The following ADGRE3 variants were observed in gnomAD, a reference collection of about 807,000 sequenced individuals.
ADGRE3 encodes adhesion G protein-coupled receptor E3, also known as EGF-like module receptor 3.
Under a neutral mutation model 80.1 loss-of-function variants are expected in ADGRE3, and 88 were observed. That is an observed-to-expected ratio of 1.10 (90% CI 0.93 to 1.31). The LOEUF is 1.31. Ranked by LOEUF, ADGRE3 falls within the 40% of genes most tolerant of loss-of-function variation. The pLI, the probability that ADGRE3 is intolerant of heterozygous loss-of-function variation, is 0.00. For synonymous variants in ADGRE3, 281 were observed against 294.8 expected, an observed-to-expected ratio of 0.95 and a Z score of 0.48; for missense variants, 715 against 776.5, an observed-to-expected ratio of 0.92 and a Z score of 0.94.
chr19:14,635,318 T>C (rs1971006642), intron 11 of ADGRE3, among the ~76,000 whole-genome samples: 1 of 151,980 alleles, frequency 6.6e-6, no homozygotes, highest in Admixed American at 6.6e-5. Flanking sequence ...TTGCCCAGCC[T>C]GGTCTTGAAG....
At position 14,640,926 on chromosome 19, in the gene ADGRE3, G is replaced by C. The variant is rs537333418; in HGVS notation, c.1248+493C>G. On this transcript the variant is annotated intron_variant, in intron 10 of 15. Coordinates refer to ENST00000253673, the MANE Select transcript of ADGRE3 (RefSeq NM_032571.5). ...ATGATTCTGAGGCCTCCCCTGCCAT[G>C]TGGAACTGCAAGTCCAATTAAACCT... is the stretch of plus-strand genomic sequence containing the variant. Among the ~76,000 whole-genome samples, 6 of 152,252 alleles carry C rather than the reference G, an allele frequency of 3.9e-5. No homozygotes were observed. In the South Asian group the frequency reaches 1.0e-3, roughly 26 times the overall value.
At chr19:14,608,887 C>T in the ADGRE3 span, among the ~76,000 whole-genome samples, 8 of 151,096 alleles carry the variant, frequency 5.3e-5, no homozygotes, top group Non-Finnish European at 8.8e-5. Flanking sequence ...GCAACTTCTG[C>T]CTCCTGGATT....
chr19:14,637,086 C>T (rs1039320501), intron 11 of ADGRE3, among the ~76,000 whole-genome samples: 3 of 152,102 alleles, frequency 2.0e-5, no homozygotes, highest in African/African-American at 7.2e-5. Flanking sequence ...AAGAGCGAAA[C>T]TCTGTCTCAA....
At chr19:14,629,495 T>C (rs1970821020) in intron 14 of ADGRE3, among the ~76,000 whole-genome samples, 1 of 152,184 alleles carries the variant, frequency 6.6e-6, no homozygotes, top group Non-Finnish European at 1.5e-5. Flanking sequence ...AGAGGAAGAA[T>C]CACAGGCTTG....
chr19:14,616,195 G>C (rs945898471), downstream of ADGRE3, among the ~76,000 whole-genome samples: 9 of 151,986 alleles, frequency 5.9e-5, no homozygotes, highest in African/African-American at 2.2e-4. Context: ...TGATCTCCAC[G>C]TGAACTCCTC....
At chr19:14,625,381 T>A (rs9676382) in intron 15 of ADGRE3, 111 bp downstream of exon 15, 1 of 768,092 alleles carries the variant, frequency 1.3e-6, no homozygotes, top group Non-Finnish European at 2.2e-6. Context: ...CCTCAGAACT[T>A]AAAAAACAAA....
the ADGRE3 span, chr19:14,606,939 C>A: frequency 1.0e-6 from 1 of 970,348 alleles, no homozygotes. Flanking sequence ...GGCAGGTCCT[C>A]ACCCTGAGGG....
chr19:14,651,258 T>C (rs1041538637), intron 6 of ADGRE3, 54 bp from the exon 7 acceptor site: 1 of 1,601,320 alleles, frequency 6.2e-7, no homozygotes, highest in Non-Finnish European at 8.6e-7. Flanking sequence ...ACTTTAAAAA[T>C]ATGCATAGGA....
chr19:14,648,556 T>C (rs751200854), intron 7 of ADGRE3, among the ~76,000 whole-genome samples: 7 of 152,190 alleles, frequency 4.6e-5, no homozygotes, highest in Non-Finnish European at 8.8e-5. Context: ...TCTTACCTAC[T>C]GTGATAGTTC....
intron 6 of ADGRE3, among the ~76,000 whole-genome samples, chr19:14,652,191 T>A (rs2146870766): frequency 6.6e-6 from 1 of 152,262 alleles, no homozygotes; most frequent in African/African-American, 2.4e-5. Flanking sequence ...GATGGATGTG[T>A]TAGCTAATTT....
chr19:14,640,859 C>G (rs572724982), intron 10 of ADGRE3, among the ~76,000 whole-genome samples: 11 of 152,240 alleles, frequency 7.2e-5, no homozygotes, highest in African/African-American at 2.4e-4. Flanking sequence ...CTCATTTTTT[C>G]TCTTGCAGCC....
In ADGRE3 at chr19:14,665,939, T is replaced by TATATATGCATACATAC. The variant is rs1345219145; in HGVS notation, c.77-2400_77-2399insGTATGTATGCATATAT. ...TATTGCATATACACACATATGTGTA[T>TATATATGCATACATAC]ATATATATATATATATATATATATA... On this transcript the variant is annotated intron_variant, in intron 2 of 15. Transcript: ENST00000253673. Among the ~76,000 whole-genome samples the TATATATGCATACATAC allele has an allele frequency of 1.2e-3, 104 of 86,766 alleles. 4 individuals carry two copies. Among genetic ancestry groups the TATATATGCATACATAC allele is most frequent in the African/African-American group, 4.9e-3 (103 of 20,940 alleles). 56.9% of individuals were successfully genotyped at this position (86,766 alleles called of 152,430 possible).
At chr19:14,666,385 T>C (rs372771149) in intron 2 of ADGRE3, among the ~76,000 whole-genome samples, 11,069 of 151,796 alleles carry the variant, frequency 0.073, 603 homozygotes, top group African/African-American at 0.15. Context: ...CCTATTTTTT[T>C]TTTTTTTTAA....
the ADGRE3 span, among the ~76,000 whole-genome samples, chr19:14,605,403 C>T: frequency 6.6e-6 from 1 of 152,036 alleles, no homozygotes; most frequent in African/African-American, 2.4e-5. Context: ...GCCACCTCCC[C>T]ACATTTTAAG....
At chr19:14,623,778 T>C (rs371894208) in intron 15 of ADGRE3, among the ~76,000 whole-genome samples, 2 of 152,154 alleles carry the variant, frequency 1.3e-5, no homozygotes, top group East Asian at 3.9e-4. Context: ...GAGTCTGTGT[T>C]AGATTGCATT....
At chr19:14,657,874 C>T (rs1971815455) in intron 5 of ADGRE3, among the ~76,000 whole-genome samples, 1 of 152,044 alleles carries the variant, frequency 6.6e-6, no homozygotes, top group Non-Finnish European at 1.5e-5. Context: ...AGTGATTCTC[C>T]TGCCTCAGCC....
At chr19:14,607,089 C>A in the ADGRE3 span, 1 of 1,308,782 alleles carries the variant, frequency 7.6e-7, no homozygotes. Flanking sequence ...GGATGGGTCT[C>A]CTGTGACATT....
chr19:14,620,492 T>TGC (rs1298475031), intron 15 of ADGRE3, among the ~76,000 whole-genome samples: 1 of 46,196 alleles, frequency 2.2e-5, no homozygotes, highest in African/African-American at 7.9e-5. Context: ...TATGAATATA[T>TGC]ATGAATATAT....
downstream of ADGRE3, among the ~76,000 whole-genome samples, chr19:14,615,790 C>T (rs563343479): frequency 1.2e-4 from 18 of 151,716 alleles, 1 homozygote; most frequent in East Asian, 3.9e-4. Flanking sequence ...GACAGGTTCT[C>T]GCTGTGTTGC....
Sources: gnomAD v4.1 joint callset for allele counts (sites outside exome capture counted in the v4.1 genomes callset) on GRCh38, gnomAD v4.1.1 for gene constraint, MANE v1.5 for transcripts, NCBI Gene and HGNC (gene_info 2026-07-23, HGNC 2026-07-21) for gene names.